Variants in ARHGAP15 observed in about 807,000 individuals in gnomAD.
ARHGAP15 encodes rho GTPase-activating protein 15.
In ARHGAP15, 51 loss-of-function variants were observed where a neutral mutation model predicts 63.7. The ratio of observed to expected loss-of-function variants is 0.80; its 90% CI spans 0.64 to 1.01. The LOEUF (loss-of-function observed/expected upper bound fraction) is 1.01. Among genes scored for constraint, ARHGAP15 ranks in the 50% least tolerant of loss-of-function variants. The pLI is 0.00. For missense variants in ARHGAP15, 560 were observed against 564.6 expected, an observed-to-expected ratio of 0.99 and a Z score of 0.08; for synonymous variants, 191 against 193.8, an observed-to-expected ratio of 0.99 and a Z score of 0.12.
At chr2:143,728,354 T>A (rs77558426) in intron 13 of ARHGAP15, among the ~76,000 whole-genome samples, 3,934 of 152,258 alleles carry the variant, frequency 0.026, 94 homozygotes, top group Admixed American at 0.046. Context: ...AATGACCTTT[T>A]TAAAGGCCCA....
chr2:143,593,423 A>G (rs551242732), intron 11 of ARHGAP15: 1 of 152,320 alleles, frequency 6.6e-6, no homozygotes, highest in East Asian at 1.9e-4. Flanking sequence ...TTGAAGATTA[A>G]AACTTGAGAA....
chr2:143,416,902 C>A (rs1027564071), intron 6 of ARHGAP15, among the ~76,000 whole-genome samples: 1 of 146,972 alleles, frequency 6.8e-6, no homozygotes, highest in African/African-American at 2.5e-5. Context: ...ACAGATTTCT[C>A]TCAGCATACT....
intron 13 of ARHGAP15, among the ~76,000 whole-genome samples, chr2:143,747,182 G>C (rs1230695371): frequency 3.3e-5 from 5 of 151,764 alleles, no homozygotes; most frequent in Non-Finnish European, 1.5e-5. Flanking sequence ...AACCACCATG[G>C]CATATGTATA....
intron 11 of ARHGAP15, among the ~76,000 whole-genome samples, chr2:143,573,857 CT>C (rs1696560230): frequency 6.6e-6 from 1 of 152,070 alleles, no homozygotes; most frequent in African/African-American, 2.4e-5. Flanking sequence ...TATATTTCCC[CT>C]ATCCATGTTT....
chr2:143,215,954 C>T (rs776976510), intron 3 of ARHGAP15, among the ~76,000 whole-genome samples: 15 of 152,174 alleles, frequency 9.9e-5, no homozygotes, highest in Admixed American at 5.9e-4. Flanking sequence ...TCAACTAGCT[C>T]AGTTACCTGG....
chr2:143,607,012 C>T (rs567450042), intron 11 of ARHGAP15: 2 of 152,316 alleles, frequency 1.3e-5, no homozygotes, highest in Admixed American at 6.5e-5. Flanking sequence ...TTCGTATCTA[C>T]ATAAGCCATG....
intron 13 of ARHGAP15, among the ~76,000 whole-genome samples, chr2:143,728,690 G>A (rs571197972): frequency 6.6e-6 from 1 of 152,268 alleles, no homozygotes; most frequent in South Asian, 2.1e-4. Flanking sequence ...CTGGAAGGAA[G>A]CAGTTCCTGT....
At chr2:143,391,305 A>G (rs1036994082) in intron 6 of ARHGAP15, among the ~76,000 whole-genome samples, 2 of 152,232 alleles carry the variant, frequency 1.3e-5, no homozygotes, top group Non-Finnish European at 2.9e-5. Flanking sequence ...CACAGATTAC[A>G]GAATAAAACC....
At chr2:143,255,849 G>A (rs6719577) in intron 6 of ARHGAP15, among the ~76,000 whole-genome samples, 33,899 of 151,568 alleles carry the variant, frequency 0.22, 4,047 homozygotes, top group South Asian at 0.35. Flanking sequence ...TAAAAGACAC[G>A]GCATTAAAAA....
intron 9 of ARHGAP15, among the ~76,000 whole-genome samples, chr2:143,502,836 T>C (rs1271800635): frequency 2.0e-5 from 3 of 152,100 alleles, no homozygotes; most frequent in Non-Finnish European, 4.4e-5. Context: ...CACCTCAACC[T>C]CCCCAAATGC....
At chr2:143,263,271 C>G (rs1227811050) in intron 6 of ARHGAP15, among the ~76,000 whole-genome samples, 1 of 152,134 alleles carries the variant, frequency 6.6e-6, no homozygotes, top group Non-Finnish European at 1.5e-5. Flanking sequence ...CCCCACATTG[C>G]TAATTCAGCA....
intron 2 of ARHGAP15, among the ~76,000 whole-genome samples, chr2:143,183,062 C>T (rs974080647): frequency 2.6e-5 from 4 of 152,172 alleles, no homozygotes; most frequent in Admixed American, 2.6e-4. Flanking sequence ...TTACATTAGA[C>T]CTAGCACTTC....
intron 6 of ARHGAP15, among the ~76,000 whole-genome samples, chr2:143,256,335 T>G (rs2104998445): frequency 6.6e-6 from 1 of 152,244 alleles, no homozygotes; most frequent in East Asian, 1.9e-4. Flanking sequence ...GCTCTACTTC[T>G]GGTCTTTCTG....
At chr2:143,749,241 G>A (rs1311136035) in intron 13 of ARHGAP15, among the ~76,000 whole-genome samples, 1 of 152,188 alleles carries the variant, frequency 6.6e-6, no homozygotes, top group Non-Finnish European at 1.5e-5. Flanking sequence ...GGACAGATGA[G>A]TCCACCAGCT....
chr2:143,320,570 G>A (rs762494775), intron 6 of ARHGAP15, among the ~76,000 whole-genome samples: 11 of 151,990 alleles, frequency 7.2e-5, no homozygotes, highest in Non-Finnish European at 1.5e-4. Flanking sequence ...AAAGCGGGAC[G>A]CTACAATCTA....
At chr2:143,236,192 A>C in intron 5 of ARHGAP15, 1 of 452,840 alleles carries the variant, frequency 2.2e-6, no homozygotes, top group Non-Finnish European at 3.8e-6. Context: ...TGAATAGTAT[A>C]TGATCCCTGC....
In ARHGAP15 at chr2:143,247,649, TA is replaced by T. The variant is rs773952550; in HGVS notation, c.385-2861del. ...TAATTATACAGAAATCTAAAGCTAA[TA>T]TGAGATTTTTCAAGGAAGAGTCAGT... On this transcript the variant is annotated intron_variant, in intron 5 of 13. Transcript: ENST00000295095. Among the ~76,000 whole-genome samples, 5 of 152,294 alleles carry T rather than the reference TA, an allele frequency of 3.3e-5. No homozygotes were observed. In the East Asian group the frequency reaches 7.7e-4, roughly 24 times the overall value.
At chr2:143,568,816 T>C (rs557721074) in intron 11 of ARHGAP15, among the ~76,000 whole-genome samples, 2 of 152,268 alleles carry the variant, frequency 1.3e-5, no homozygotes, top group Non-Finnish European at 2.9e-5. Flanking sequence ...ATATACACCA[T>C]GGAATACTAT....
intron 6 of ARHGAP15, among the ~76,000 whole-genome samples, chr2:143,361,316 G>A (rs546472728): frequency 5.9e-5 from 9 of 152,190 alleles, no homozygotes; most frequent in Non-Finnish European, 8.8e-5. Flanking sequence ...CAATTCTCAT[G>A]TAGTATATAA....
Sources: gnomAD v4.1 joint callset for allele counts (sites outside exome capture counted in the v4.1 genomes callset) on GRCh38, gnomAD v4.1.1 for gene constraint, MANE v1.5 for transcripts, NCBI Gene and HGNC (gene_info 2026-07-23, HGNC 2026-07-21) for gene names.